Variants in TELO2 observed in about 807,000 individuals in gnomAD.
The protein encoded by TELO2 is telomere length regulation protein TEL2 homolog.
In TELO2, 71 loss-of-function variants were observed where a neutral mutation model predicts 91.0. That is an observed-to-expected ratio of 0.78 (90% confidence interval 0.64 to 0.95). The LOEUF (loss-of-function observed/expected upper bound fraction) is 0.95. Among genes scored for constraint, TELO2 ranks in the 40% least tolerant of loss-of-function variants. The pLI is 0.00. For missense variants in TELO2, 1,183 were observed against 1,141.3 expected (o/e 1.04, Z -0.53); for synonymous variants, 584 against 518.9 (o/e 1.13, Z -1.71).
In TELO2 at chr16:1,502,313, C is replaced by G. The variant is rs1386711001; in HGVS notation, c.1562C>G (p.Ala521Gly). 5 of 1,602,916 alleles carry G rather than the reference C, an allele frequency of 3.1e-6. No individual in the cohort carries two copies. Among genetic ancestry groups the G allele is most frequent in the Non-Finnish European group, 4.3e-6 (5 of 1,176,378 alleles). Residue 521 changes from alanine (A) to glycine (G), a missense_variant and splice_region_variant, in exon 13 of 21, where the codon GCC (alanine) becomes GGC (glycine). Coordinates refer to ENST00000262319, the MANE Select transcript of TELO2 (RefSeq NM_016111.4). ...CGAGGCCTCTCTGGGTTCTGTGCAG[C>G]CCTGACCACGTCTGAGGACATAGAG... The part of the protein sequence containing the change: ...APAYVRDCVE[A>G]LTTSEDIERW...
chr16:1,497,132 TC>T lies in TELO2; in HGVS notation c.682+30del. 1.2e-6 allele frequency: 2 copies of T among 1,613,090 alleles called. No homozygotes were observed. The highest frequency in any genetic ancestry group is 2.7e-5 in the African/African-American group (2 of 75,016). On this transcript the variant is annotated intron_variant, in intron 4 of 20. Transcript: ENST00000262319. The surrounding 1 kb of genome is among the most constrained non-coding windows in gnomAD (Gnocchi z 4.0). ...GAGTAGAGCAGTGCCTTCCTGCCCA[TC>T]CTGCCCCGACCCTCACAGCCCATCA...
rs764941020 is a variant in TELO2 at position 1,500,703 on chromosome 16, A to T, written c.1281+4A>T. ...GGGGCCTCCCCTGAAATTCCAGGTG[A>T]GCGGGCCGTCCCCTCCGCGTCCCCG... On this transcript the variant is annotated splice_donor_region_variant and intron_variant, in intron 9 of 20. Transcript: ENST00000262319. The T allele has an allele frequency of 5.0e-6, 8 of 1,611,872 alleles. No individual in the cohort carries two copies. The highest frequency in any genetic ancestry group is 1.7e-4 in the Middle Eastern group (1 of 5,906).
At chr16:1,507,556 G>A (rs1233460087) in intron 19 of TELO2, 45 bp from the exon 20 acceptor site, 1 of 1,535,552 alleles carries the variant, frequency 6.5e-7, no homozygotes, top group South Asian at 1.2e-5. Flanking sequence ...GGGAGGTCTG[G>A]GGTGTGGTCC....
At chr16:1,503,246 C>T (rs1431066188) in intron 15 of TELO2, among the ~76,000 whole-genome samples, 1 of 152,242 alleles carries the variant, frequency 6.6e-6, no homozygotes, top group African/African-American at 2.4e-5. Context: ...AAATTCACCG[C>T]TTTAGGGTAA....
At chr16:1,507,504 G>C (rs1007632352) in intron 19 of TELO2, 97 bp from the exon 20 acceptor site, 2 of 1,491,714 alleles carry the variant, frequency 1.3e-6, no homozygotes, top group Non-Finnish European at 1.8e-6. Context: ...AAGTGTGCCA[G>C]GCAGGGCCGC....
chr16:1,501,631 C>G lies in TELO2; in HGVS notation c.1362-32C>G, dbSNP rs760493140. On this transcript the variant is annotated intron_variant, in intron 10 of 20. Transcript: ENST00000262319. ...CTGAGACCAGAGGCTCGAGGGGCCCCTAAAGGATTTTTGTTCCTTGTTTCC... is the reference window on the plus strand; with the variant it reads ...CTGAGACCAGAGGCTCGAGGGGCCCGTAAAGGATTTTTGTTCCTTGTTTCC... 94 of 1,590,792 alleles carry G rather than the reference C, an allele frequency of 5.9e-5. No homozygotes were observed. In the Admixed American group the frequency reaches 1.7e-3, roughly 29 times the overall value.
rs777563338 is a variant in TELO2 at position 1,506,963 on chromosome 16, C to T, written c.2138C>T (p.Thr713Ile). The T allele has an allele frequency of 6.2e-7, 1 of 1,610,400 alleles. No homozygotes were observed. Among genetic ancestry groups the T allele is most frequent in the Non-Finnish European group, 8.5e-7 (1 of 1,178,388 alleles). Residue 713 changes from threonine (T) to isoleucine (I), a missense_variant, in exon 18 of 21, where the codon ACC becomes ATC. By Grantham distance (89) the Thr-to-Ile change is moderately conservative. Transcript: ENST00000262319. The part of the protein sequence containing the change: ...LLQRFDRPLV[T>I]FDLLGEDQLV... ...ATCCTGTGCTCTAGGCCTCTGGTGA[C>T]CTTCGACCTCTTGGGAGAAGACCAG... is the stretch of plus-strand genomic sequence containing the variant.
At chr16:1,507,435 G>T in intron 19 of TELO2, 65 bp downstream of exon 19, 1 of 1,589,282 alleles carries the variant, frequency 6.3e-7, no homozygotes. Flanking sequence ...TTATTGTGGG[G>T]GCCCCGTGGA....
chr16:1,500,752 G>A lies in TELO2; in HGVS notation c.1281+53G>A, dbSNP rs1475904505. The A allele has an allele frequency of 1.6e-5, 25 of 1,590,938 alleles. No homozygotes were observed. In the Middle Eastern group the frequency reaches 1.1e-3, roughly 68 times the overall value. ...CGTGTGGCTGGCCCGGGTCTCCCGA[G>A]CGGCTGCCTCTCCAGCCCCAGGGTC... On this transcript the variant is annotated intron_variant, in intron 9 of 20. Coordinates refer to ENST00000262319, the MANE Select transcript of TELO2 (RefSeq NM_016111.4).
In TELO2 at chr16:1,494,708, T is replaced by C. The variant is rs1052236562; in HGVS notation, c.335+92T>C. The C allele has an allele frequency of 7.6e-7, 1 of 1,307,456 alleles. No individual in the cohort carries two copies. Among genetic ancestry groups the C allele is most frequent in the Non-Finnish European group, 1.0e-6 (1 of 966,222 alleles). 81.0% of individuals were successfully genotyped at this position (1,307,456 alleles called of 1,614,324 possible). Reference sequence around the variant, plus strand: ...CTGGACCAAGAGCCTCTCTAGTCCCTGTGAGGGGCTAGAGAGAGAGCCTGC... The same window carrying C: ...CTGGACCAAGAGCCTCTCTAGTCCCCGTGAGGGGCTAGAGAGAGAGCCTGC... On this transcript the variant is annotated intron_variant, in intron 2 of 20. Coordinates refer to ENST00000262319, the MANE Select transcript of TELO2 (RefSeq NM_016111.4). The surrounding 1 kb of genome is among the most constrained non-coding windows in gnomAD (Gnocchi z 5.6).
intron 15 of TELO2, among the ~76,000 whole-genome samples, chr16:1,504,713 A>G (rs1004650465): frequency 2.0e-5 from 3 of 151,116 alleles, no homozygotes; most frequent in East Asian, 4.0e-4. Context: ...GCCCGCCACC[A>G]CGCCCGGCTA....
chr16:1,502,170 G>A (rs1486857355), intron 12 of TELO2, 35 bp downstream of exon 12: 2 of 1,610,330 alleles, frequency 1.2e-6, no homozygotes, highest in Non-Finnish European at 1.7e-6. Flanking sequence ...TTGCTGGGCT[G>A]GGCATGGGTC....
In TELO2 at chr16:1,497,694, G is replaced by A. The variant is rs1377620216; in HGVS notation, c.830+186G>A. 6.6e-5 allele frequency among the ~76,000 whole-genome samples: 10 copies of A among 152,176 alleles called. No homozygotes were observed. The highest frequency in any genetic ancestry group is 2.4e-4 in the African/African-American group (10 of 41,430). ...GCTGATGGTGACCTCTGTATCAGAG[G>A]GTCCCTTTCTCTTATGAAATAGCAT... On this transcript the variant is annotated intron_variant, in intron 5 of 20. Transcript: ENST00000262319. This position sits in a 1 kb window ranked among gnomAD's most constrained non-coding sequence, Gnocchi z 4.0.
At chr16:1,504,589 GCT>G (rs2039820543) in intron 15 of TELO2, among the ~76,000 whole-genome samples, 2 of 98,542 alleles carry the variant, frequency 2.0e-5, no homozygotes, top group Non-Finnish European at 3.7e-5. Context: ...ACAGAGTCTC[GCT>G]CTGTCGCCCA....
intron 5 of TELO2, 121 bp from the exon 6 acceptor site, chr16:1,499,110 C>T (rs549562235): frequency 6.0e-5 from 56 of 927,278 alleles, no homozygotes; most frequent in South Asian, 3.2e-4. Flanking sequence ...ACCAGAGGCT[C>T]GTGGCTAGGA....
At chr16:1,500,067 C>T (rs1347346492) in intron 6 of TELO2, 29 bp from the exon 7 acceptor site, 1 of 1,598,562 alleles carries the variant, frequency 6.3e-7, no homozygotes, top group Non-Finnish European at 8.5e-7. Context: ...GGCCTCAGCC[C>T]AGTGGACAGG....
At chr16:1,509,323 G>A (rs895951274) in intron 20 of TELO2, among the ~76,000 whole-genome samples, 2 of 152,188 alleles carry the variant, frequency 1.3e-5, no homozygotes, top group African/African-American at 4.8e-5. Flanking sequence ...GGGAGGAGCT[G>A]TGGCCAGCAG....
In TELO2 at chr16:1,494,426, A is replaced by C; in HGVS notation, c.145A>C (p.Arg49=). 1 of 1,613,216 alleles carries C rather than the reference A, an allele frequency of 6.2e-7. No individual in the cohort carries two copies. Among genetic ancestry groups the C allele is most frequent in the South Asian group, 1.1e-5 (1 of 91,036 alleles). The change falls in exon 2 of 21, where the codon AGG becomes CGG. Residue 49 remains arginine, a synonymous_variant. Coordinates refer to ENST00000262319, the MANE Select transcript of TELO2 (RefSeq NM_016111.4). The surrounding 1 kb of genome is among the most constrained non-coding windows in gnomAD (Gnocchi z 5.6). ...LGEMEPPALP[R]EKEEFASAHF... ...TGAGATGGAGCCTCCAGCGCTCCCG[A>C]GGGAGAAGGAGGAGTTTGCCTCGGC...
Position 1,497,598 on chromosome 16 carries a change from G to A in TELO2, c.830+90G>A, listed in dbSNP as rs899041826. The A allele has an allele frequency of 3.4e-6, 5 of 1,453,868 alleles. No individual in the cohort carries two copies. Among genetic ancestry groups the A allele is most frequent in the African/African-American group, 1.4e-5 (1 of 70,666 alleles). The allele number at this position is 1,453,868 out of a possible 1,614,324, so 90.1% of individuals were successfully genotyped here. A position where few individuals can be genotyped will look rare whatever the true frequency, so the allele number is the denominator to read the frequency against. ...TTCCTTCACGCTACTTCTCCTGGGC[G>A]CCGTGCTGCAGCTGGCACCCCCATG... is the stretch of plus-strand genomic sequence containing the variant. On this transcript the variant is annotated intron_variant, in intron 5 of 20. Transcript: ENST00000262319. The surrounding 1 kb of genome is among the most constrained non-coding windows in gnomAD (Gnocchi z 4.0).
Sources: allele counts gnomAD v4.1 joint callset (sites outside exome capture counted in the v4.1 genomes callset), GRCh38; gene constraint gnomAD v4.1.1; non-coding constraint Gnocchi (gnomAD v3.1); transcripts MANE v1.5; gene names NCBI Gene and HGNC (gene_info 2026-07-23, HGNC 2026-07-21).